The following USP28 variants were observed in gnomAD, a reference collection of about 807,000 sequenced individuals.
USP28 encodes ubiquitin specific peptidase 28.
Under a neutral mutation model 145.0 loss-of-function variants are expected in USP28, and 113 were observed. That is an observed-to-expected ratio of 0.78 (90% CI 0.67 to 0.91). The LOEUF is 0.91. Among genes scored for constraint, USP28 ranks in the 40% least tolerant of loss-of-function variants. The pLI is 0.00. For synonymous variants in USP28, 447 were observed against 450.9 expected, an observed-to-expected ratio of 0.99 and a Z score of 0.11; for missense variants, 1,201 against 1,289.6, an observed-to-expected ratio of 0.93 and a Z score of 1.05.
chr11:113,831,994 C>T lies in USP28; in HGVS notation c.760-1G>A, dbSNP rs907489564. The T allele has an allele frequency of 1.9e-6, 3 of 1,613,522 alleles. No homozygotes were observed. The highest frequency in any genetic ancestry group is 2.5e-6 in the Non-Finnish European group (3 of 1,179,692). ...TGTGTGTGAATTCACTCACATCTTG[C>T]TATAAGAGAGGCACAAATTGCATAA... On this transcript the variant is annotated splice_acceptor_variant, in intron 7 of 24. Coordinates refer to ENST00000003302, the Ensembl canonical transcript of USP28. LOFTEE classifies it high-confidence loss of function.
chr11:113,798,066 GTTTTTTTTTTTT>G (rs528048657), exon 25 of USP28: 52 of 91,256 alleles, frequency 5.7e-4, no homozygotes, highest in Admixed American at 5.0e-3. Context: ...ATGTATGCTG[GTTTTTTTTTTTT>G]TTTTTTTTTT....
At chr11:113,869,357 A>T (rs1948596618) in intron 1 of USP28, among the ~76,000 whole-genome samples, 1 of 152,216 alleles carries the variant, frequency 6.6e-6, no homozygotes, top group African/African-American at 2.4e-5. Flanking sequence ...AGAACCCGGA[A>T]GGCGGGGGTT....
intron 5 of USP28, 115 bp downstream of exon 5, chr11:113,840,483 T>C: frequency 2.3e-6 from 3 of 1,333,296 alleles, no homozygotes; most frequent in Non-Finnish European, 3.0e-6. Context: ...CCAGAAAAAC[T>C]CCCCTAATTT....
intron 1 of USP28, among the ~76,000 whole-genome samples, chr11:113,864,867 T>C (rs1439969089): frequency 2.0e-5 from 3 of 152,084 alleles, no homozygotes; most frequent in East Asian, 1.9e-4. Context: ...GACAGTATTG[T>C]TTTTTGGAGA....
chr11:113,813,937 G>T (rs976093450), exon 15 of USP28: 18 of 1,609,202 alleles, frequency 1.1e-5, no homozygotes, highest in Non-Finnish European at 1.5e-5. Context: ...AGTAGTACTT[G>T]CAATACAAGT....
At chr11:113,805,531 C>T (rs771618717) in intron 19 of USP28, among the ~76,000 whole-genome samples, 2 of 152,314 alleles carry the variant, frequency 1.3e-5, no homozygotes, top group Non-Finnish European at 2.9e-5. Flanking sequence ...GCTGGGATTA[C>T]AGGCATGAGC....
Position 113,827,363 on chromosome 11 carries a change from A to C in USP28, c.1060-3T>G, listed in dbSNP as rs748490286. The stretch of plus-strand genomic sequence containing the variant: ...GGAGGTAGCTTTGTAAACCAACGCT[A>C]GTGTCAAGAGTAGAAATGTGAGAGA... On this transcript the variant is annotated splice_polypyrimidine_tract_variant and splice_region_variant and intron_variant, in intron 10 of 24. Transcript: ENST00000003302. 1 of 1,580,754 alleles carries C rather than the reference A, an allele frequency of 6.3e-7. No individual in the cohort carries two copies. The highest frequency in any genetic ancestry group is 8.5e-7 in the Non-Finnish European group (1 of 1,170,584).
At chr11:113,852,835 T>C (rs556086981) in intron 2 of USP28, among the ~76,000 whole-genome samples, 63 of 152,266 alleles carry the variant, frequency 4.1e-4, no homozygotes, top group African/African-American at 1.4e-3. Context: ...GGAGTTTCCA[T>C]GCTCTGACTT....
intron 6 of USP28, 152 bp from the exon 7 acceptor site, chr11:113,833,709 G>C: frequency 2.9e-6 from 2 of 684,014 alleles, no homozygotes; most frequent in Non-Finnish European, 4.8e-6. Flanking sequence ...CAGGGACTCT[G>C]GTAAGGACTG....
intron 11 of USP28, among the ~76,000 whole-genome samples, chr11:113,826,974 C>T (rs766177692): frequency 3.3e-5 from 5 of 151,510 alleles, no homozygotes; most frequent in Non-Finnish European, 7.4e-5. Flanking sequence ...AGCACCCCCA[C>T]CCCCAGAATT....
exon 21 of USP28, chr11:113,804,686 A>G (rs747043864): frequency 2.5e-6 from 4 of 1,614,160 alleles, no homozygotes; most frequent in Non-Finnish European, 3.4e-6. Context: ...GTACTCTTCC[A>G]TATTCATGTC....
intron 1 of USP28, among the ~76,000 whole-genome samples, chr11:113,864,940 G>A (rs1218519892): frequency 1.3e-5 from 2 of 152,052 alleles, no homozygotes; most frequent in East Asian, 3.9e-4. Flanking sequence ...AAGCTCAAGC[G>A]ATCCTCCCTC....
chr11:113,819,698 A>G (rs1205730444), intron 12 of USP28, among the ~76,000 whole-genome samples: 1 of 152,184 alleles, frequency 6.6e-6, no homozygotes, highest in Admixed American at 6.5e-5. Flanking sequence ...GGCTTGGTTT[A>G]CCAAGATAAA....
At chr11:113,819,098 TAGTG>T (rs1441783102) in intron 12 of USP28, among the ~76,000 whole-genome samples, 1 of 151,374 alleles carries the variant, frequency 6.6e-6, no homozygotes, top group Non-Finnish European at 1.5e-5. Flanking sequence ...GAAGAAGAAA[TAGTG>T]AGCATTTTTA....
At chr11:113,852,119 C>T (rs1039861664) in intron 3 of USP28, among the ~76,000 whole-genome samples, 47 of 152,292 alleles carry the variant, frequency 3.1e-4, no homozygotes, top group African/African-American at 1.1e-3. Flanking sequence ...AGCTCTGCCT[C>T]CCGGGTTCAT....
At chr11:113,872,953 T>C (rs1948980869) in intron 1 of USP28, among the ~76,000 whole-genome samples, 1 of 152,200 alleles carries the variant, frequency 6.6e-6, no homozygotes, top group Admixed American at 6.5e-5. Context: ...GTACTACATA[T>C]TTCTCGCACT....
At chr11:113,812,585 T>C in intron 15 of USP28, 81 bp from the exon 16 acceptor site, 2 of 1,234,432 alleles carry the variant, frequency 1.6e-6, no homozygotes, top group Non-Finnish European at 1.2e-6. Flanking sequence ...AATTACTGTT[T>C]ATGATGTGAT....
intron 23 of USP28, among the ~76,000 whole-genome samples, chr11:113,802,282 C>T (rs1939169589): frequency 7.5e-6 from 1 of 133,344 alleles, no homozygotes; most frequent in African/African-American, 2.9e-5. Context: ...ATCAAACCAA[C>T]AAGATCCCTT....
intron 3 of USP28, among the ~76,000 whole-genome samples, chr11:113,842,174 CG>C (rs1945267813): frequency 6.6e-6 from 1 of 151,372 alleles, no homozygotes; most frequent in South Asian, 2.1e-4. Context: ...TAGTTAAGAA[CG>C]GTAAGAGAAA....
Sources: allele counts gnomAD v4.1 joint callset (sites outside exome capture counted in the v4.1 genomes callset), GRCh38; gene constraint gnomAD v4.1.1; transcripts MANE v1.5; gene names NCBI Gene and HGNC (gene_info 2026-07-23, HGNC 2026-07-21).